Variants in USH2A observed in about 807,000 individuals in gnomAD.
The protein encoded by USH2A is usherin.
In USH2A, 443 loss-of-function variants were observed where a neutral mutation model predicts 538.9. The observed-to-expected ratio is 0.82, with a 90% CI of 0.76 to 0.89. USH2A has a LOEUF of 0.89. Among genes scored for constraint, USH2A ranks in the 40% least tolerant of loss-of-function variants. The pLI is 0.00. For synonymous variants in USH2A, 2,413 were observed against 2,273.5 expected, an observed-to-expected ratio of 1.06 and a Z score of -1.75; for missense variants, 6,633 against 6,324.8, an observed-to-expected ratio of 1.05 and a Z score of -1.65.
chr1:215,938,977 A>G (rs1363606742), intron 37 of USH2A, among the ~76,000 whole-genome samples: 1 of 152,166 alleles, frequency 6.6e-6, no homozygotes, highest in Non-Finnish European at 1.5e-5. Flanking sequence ...TTGGACTATA[A>G]CATGTTTACT....
At chr1:216,084,921 T>C in intron 24 of USH2A, 44 bp from the exon 25 acceptor site, 1 of 1,589,848 alleles carries the variant, frequency 6.3e-7, no homozygotes. Flanking sequence ...TTTTGAAAGA[T>C]TATTTTCAAG....
At chr1:215,702,232 G>A (rs1444874685) in intron 61 of USH2A, among the ~76,000 whole-genome samples, 1 of 152,048 alleles carries the variant, frequency 6.6e-6, no homozygotes, top group African/African-American at 2.4e-5. Flanking sequence ...CCCGACCTTT[G>A]TCTCTGGCTG....
At chr1:215,729,430 C>G (rs954898996) in intron 60 of USH2A, among the ~76,000 whole-genome samples, 1 of 152,088 alleles carries the variant, frequency 6.6e-6, no homozygotes, top group African/African-American at 2.4e-5. Context: ...ACTGTTTTTT[C>G]TACATTTATT....
intron 55 of USH2A, among the ~76,000 whole-genome samples, chr1:215,775,063 T>C (rs1021277566): frequency 6.6e-6 from 1 of 152,112 alleles, no homozygotes; most frequent in Non-Finnish European, 1.5e-5. Context: ...GCCTGGAGCA[T>C]TGCAAACAAC....
chr1:215,918,161 T>A (rs1666008725), intron 38 of USH2A, among the ~76,000 whole-genome samples: 1 of 152,082 alleles, frequency 6.6e-6, no homozygotes, highest in Non-Finnish European at 1.5e-5. Context: ...GTTATAAAAG[T>A]CATTGTAACA....
At chr1:216,059,762 A>G (rs1235979720) in intron 30 of USH2A, among the ~76,000 whole-genome samples, 1 of 151,870 alleles carries the variant, frequency 6.6e-6, no homozygotes, top group Non-Finnish European at 1.5e-5. Context: ...GTTTTATTTT[A>G]CTGTTTTTTC....
intron 51 of USH2A, among the ~76,000 whole-genome samples, chr1:215,787,828 G>A (rs911420400): frequency 6.6e-6 from 1 of 152,098 alleles, no homozygotes; most frequent in Non-Finnish European, 1.5e-5. Context: ...TGGATCACTT[G>A]AGGTCAGGAT....
At chr1:216,107,485 C>G (rs1424111942) in intron 21 of USH2A, among the ~76,000 whole-genome samples, 1 of 151,632 alleles carries the variant, frequency 6.6e-6, no homozygotes, top group Non-Finnish European at 1.5e-5. Context: ...CATCCTTTTA[C>G]TTTTAAGCTT....
intron 21 of USH2A, among the ~76,000 whole-genome samples, chr1:216,171,459 G>T (rs138820606): frequency 6.6e-6 from 1 of 151,900 alleles, no homozygotes; most frequent in African/African-American, 2.4e-5. Flanking sequence ...TCATGCCCTA[G>T]ATATAACATT....
chr1:215,743,603 C>T (rs1660379000), intron 58 of USH2A, among the ~76,000 whole-genome samples: 1 of 150,752 alleles, frequency 6.6e-6, no homozygotes, highest in Non-Finnish European at 1.5e-5. Flanking sequence ...TTGAGGTGGG[C>T]TGATCACAAG....
chr1:216,023,459 C>CAAAAAAAAAAAAAAAAATAAAAA, intron 32 of USH2A, among the ~76,000 whole-genome samples: 1 of 46,956 alleles, frequency 2.1e-5, no homozygotes, highest in Non-Finnish European at 3.8e-5. Flanking sequence ...TCAAAGCAGA[C>CAAAAAAAAAAAAAAAAATAAAAA]AAAAAAAAAA....
chr1:215,986,521 C>A (rs546002908), intron 35 of USH2A, among the ~76,000 whole-genome samples: 2 of 152,182 alleles, frequency 1.3e-5, no homozygotes, highest in Admixed American at 1.3e-4. Flanking sequence ...TCCTTTCATA[C>A]TGAGACATGC....
chr1:216,006,222 T>C (rs576277017), intron 32 of USH2A, among the ~76,000 whole-genome samples: 1 of 152,334 alleles, frequency 6.6e-6, no homozygotes, highest in South Asian at 2.1e-4. Flanking sequence ...TTCAGAATGA[T>C]TTCCAAGATT....
intron 21 of USH2A, among the ~76,000 whole-genome samples, chr1:216,136,258 T>A (rs2033485210): frequency 6.6e-6 from 1 of 152,074 alleles, no homozygotes; most frequent in Non-Finnish European, 1.5e-5. Context: ...TCTATAAATA[T>A]AAGAAAACTC....
intron 64 of USH2A, among the ~76,000 whole-genome samples, chr1:215,667,298 A>T (rs1366294707): frequency 6.6e-6 from 1 of 152,184 alleles, no homozygotes; most frequent in Non-Finnish European, 1.5e-5. Flanking sequence ...GCTAGTTATC[A>T]AGCTGGTTAT....
intron 21 of USH2A, among the ~76,000 whole-genome samples, chr1:216,112,193 A>G (rs987744936): frequency 6.6e-5 from 10 of 152,124 alleles, no homozygotes; most frequent in Non-Finnish European, 1.5e-4. Context: ...ATCCCCAAAC[A>G]TTCCTTAGAA....
chr1:215,836,516 A>ATTT, intron 47 of USH2A, among the ~76,000 whole-genome samples: 1 of 32,008 alleles, frequency 3.1e-5, no homozygotes, highest in Non-Finnish European at 5.6e-5. Flanking sequence ...TTATATATAT[A>ATTT]TAATATATAT....
chr1:215,645,945 A>T (rs974076740), intron 67 of USH2A, among the ~76,000 whole-genome samples: 1 of 152,180 alleles, frequency 6.6e-6, no homozygotes, highest in Non-Finnish European at 1.5e-5. Context: ...AAAATGTCCC[A>T]ATTAATTTAT....
intron 47 of USH2A, among the ~76,000 whole-genome samples, chr1:215,836,838 G>A (rs1161014349): frequency 1.3e-5 from 2 of 150,962 alleles, no homozygotes; most frequent in East Asian, 2.0e-4. Flanking sequence ...TTACAGGCGT[G>A]AGCCACCACG....
Sources: gnomAD v4.1 joint callset for allele counts (sites outside exome capture counted in the v4.1 genomes callset) on GRCh38, gnomAD v4.1.1 for gene constraint, MANE v1.5 for transcripts, NCBI Gene and HGNC (gene_info 2026-07-23, HGNC 2026-07-21) for gene names.